Variants in CRYL1 observed in about 807,000 individuals in gnomAD.
The protein encoded by CRYL1 is crystallin lambda 1, also known as lambda-crystallin homolog.
CRYL1 carries 29 observed loss-of-function variants against 36.6 expected under a neutral mutation model. That is an observed-to-expected ratio of 0.79 (90% CI 0.59 to 1.08). The LOEUF (loss-of-function observed/expected upper bound fraction) is 1.08. Among genes scored for constraint, CRYL1 ranks in the 50% least tolerant of loss-of-function variants. The pLI, the probability that CRYL1 is intolerant of heterozygous loss-of-function variation, is 0.00. For missense variants in CRYL1, 411 were observed against 407.9 expected (o/e 1.01, Z -0.06); for synonymous variants, 152 against 151.5 (o/e 1.00, Z -0.02).
intron 2 of CRYL1, among the ~76,000 whole-genome samples, chr13:20,503,534 A>C (rs1265562797): frequency 2.0e-5 from 3 of 152,180 alleles, no homozygotes; most frequent in African/African-American, 7.2e-5. Flanking sequence ...GAAGCGAACG[A>C]ATCTCAATGC....
intron 3 of CRYL1, among the ~76,000 whole-genome samples, chr13:20,471,681 C>T (rs578187526): frequency 6.6e-6 from 1 of 152,098 alleles, no homozygotes; most frequent in Non-Finnish European, 1.5e-5. Context: ...TTTCTAGGTG[C>T]TCCTTCCCAC....
At chr13:20,426,281 T>A (rs1374088434) in intron 5 of CRYL1, among the ~76,000 whole-genome samples, 8 of 144,518 alleles carry the variant, frequency 5.5e-5, no homozygotes, top group East Asian at 4.0e-4. Flanking sequence ...TATCTTTATT[T>A]AAAAAAAAAA....
At chr13:20,509,109 G>A (rs935916403) in intron 2 of CRYL1, among the ~76,000 whole-genome samples, 1 of 150,572 alleles carries the variant, frequency 6.6e-6, no homozygotes, top group Admixed American at 6.6e-5. Flanking sequence ...CAGGCGAATT[G>A]CTTGAACCCA....
In CRYL1 at chr13:20,404,098, T is replaced by G; in HGVS notation, c.*31A>C. On this transcript the variant is annotated 3_prime_UTR_variant, in exon 8 of 8. Transcript: ENST00000298248. Reference sequence around the variant, plus strand: ...CAGTGTTCCCAAATAGGGCCTCCAATGAGAGGAGTGGAAGCTGCATTACAA... The same window carrying G: ...CAGTGTTCCCAAATAGGGCCTCCAAGGAGAGGAGTGGAAGCTGCATTACAA... The G allele has an allele frequency of 2.0e-6, 3 of 1,471,442 alleles. No homozygotes were observed. Among genetic ancestry groups the G allele is most frequent in the Non-Finnish European group, 1.9e-6 (2 of 1,050,220 alleles). 91.1% of individuals were successfully genotyped at this position (1,471,442 alleles called of 1,614,324 possible).
intron 6 of CRYL1, among the ~76,000 whole-genome samples, 197 bp from the exon 7 acceptor site, chr13:20,404,938 A>G (rs528412596): frequency 7.9e-5 from 12 of 152,190 alleles, no homozygotes; most frequent in African/African-American, 2.6e-4. Context: ...CCCATTACGC[A>G]CTGTCCACGC....
chr13:20,441,989 C>G (rs1195851791), intron 3 of CRYL1, among the ~76,000 whole-genome samples: 1 of 152,068 alleles, frequency 6.6e-6, no homozygotes, highest in African/African-American at 2.4e-5. Context: ...CTCCCCTTAT[C>G]AAAAGGGGAA....
intron 3 of CRYL1, among the ~76,000 whole-genome samples, chr13:20,476,010 G>A (rs1377972113): frequency 1.3e-5 from 2 of 152,160 alleles, no homozygotes; most frequent in African/African-American, 4.8e-5. Flanking sequence ...CACGCACACG[G>A]CAGTTCCGGG....
At chr13:20,517,615 ATT>A (rs937055354) in intron 1 of CRYL1, among the ~76,000 whole-genome samples, 3 of 149,812 alleles carry the variant, frequency 2.0e-5, no homozygotes, top group African/African-American at 7.4e-5. Flanking sequence ...AAAAAAGTAA[ATT>A]TTGCATAGTG....
intron 2 of CRYL1, among the ~76,000 whole-genome samples, chr13:20,507,657 A>AC (rs753951383): frequency 4.6e-5 from 7 of 152,324 alleles, no homozygotes; most frequent in Non-Finnish European, 5.9e-5. Context: ...AGTGGCTCAC[A>AC]CCTGTAATCC....
intron 1 of CRYL1, among the ~76,000 whole-genome samples, chr13:20,519,116 A>G (rs1277579391): frequency 2.0e-5 from 3 of 152,126 alleles, no homozygotes; most frequent in Non-Finnish European, 4.4e-5. Flanking sequence ...AAAGTGTGTG[A>G]CTGGGTGAGA....
chr13:20,515,082 C>A (rs958595578), intron 1 of CRYL1, among the ~76,000 whole-genome samples: 2 of 152,072 alleles, frequency 1.3e-5, no homozygotes, highest in Non-Finnish European at 2.9e-5. Context: ...GTGGAAGAAA[C>A]CAGTCACAAA....
intron 5 of CRYL1, among the ~76,000 whole-genome samples, chr13:20,420,413 C>T (rs956946085): frequency 6.6e-6 from 1 of 151,986 alleles, no homozygotes; most frequent in Non-Finnish European, 1.5e-5. Context: ...TGAGCCCACT[C>T]CCAGAATTAT....
chr13:20,446,242 G>A (rs1475139039), intron 3 of CRYL1, among the ~76,000 whole-genome samples: 1 of 152,188 alleles, frequency 6.6e-6, no homozygotes, highest in African/African-American at 2.4e-5. Context: ...CTCCCGAGTA[G>A]CTAGGATTAT....
At chr13:20,417,601 G>A (rs539631704) in intron 5 of CRYL1, among the ~76,000 whole-genome samples, 5 of 152,310 alleles carry the variant, frequency 3.3e-5, no homozygotes, top group East Asian at 1.9e-4. Flanking sequence ...ATGGTTTCGC[G>A]TCCTGAAAAT....
intron 2 of CRYL1, among the ~76,000 whole-genome samples, chr13:20,491,103 C>T (rs892895247): frequency 1.3e-5 from 2 of 152,024 alleles, no homozygotes; most frequent in East Asian, 1.9e-4. Context: ...GACGGGGTTT[C>T]GCCATGTTGC....
chr13:20,405,540 T>C (rs911345971), intron 6 of CRYL1, among the ~76,000 whole-genome samples: 1 of 152,248 alleles, frequency 6.6e-6, no homozygotes, highest in African/African-American at 2.4e-5. Context: ...CAGTTAGCAC[T>C]GTATTGGGTA....
rs911847288 is a variant in CRYL1, at chr13:20,490,957, G to A, written c.150-1461C>T. The stretch of plus-strand genomic sequence containing the variant: ...ATCCTGCTCTGTCGCCCAGGCTGGA[G>A]TGCAGTGGCACAATCATGACTCGCC... On this transcript the variant is annotated intron_variant, in intron 2 of 7. Transcript: ENST00000298248. Among the ~76,000 whole-genome samples the A allele has an allele frequency of 4.6e-5, 7 of 152,330 alleles. No homozygotes were observed. The South Asian group carries it at 1.5e-3, about 32-fold the overall frequency.
intron 2 of CRYL1, among the ~76,000 whole-genome samples, chr13:20,490,834 C>T (rs1265636246): frequency 6.6e-6 from 1 of 152,138 alleles, no homozygotes; most frequent in Non-Finnish European, 1.5e-5. Context: ...GTTTACTGCT[C>T]TGCTGTTAGC....
chr13:20,495,628 C>A lies in CRYL1; in HGVS notation c.150-6132G>T, dbSNP rs903545742. 3.9e-5 allele frequency among the ~76,000 whole-genome samples: 6 copies of A among 152,260 alleles called. No homozygotes were observed. In the East Asian group the frequency reaches 9.6e-4, roughly 24 times the overall value. On this transcript the variant is annotated intron_variant, in intron 2 of 7. Transcript: ENST00000298248. ...AGAGCCACCATATGATCCAGGAACC[C>A]CACTGCTGTGCATATATCCAAAAGA...
Sources: allele counts gnomAD v4.1 joint callset (sites outside exome capture counted in the v4.1 genomes callset), GRCh38; gene constraint gnomAD v4.1.1; transcripts MANE v1.5; gene names NCBI Gene and HGNC (gene_info 2026-07-23, HGNC 2026-07-21).